The following PDE7A variants were observed in gnomAD, a reference collection of about 807,000 sequenced individuals.
PDE7A encodes the protein phosphodiesterase 7A, also known as high affinity 3',5'-cyclic-AMP phosphodiesterase 7A.
PDE7A carries 39 observed loss-of-function variants against 64.3 expected under a neutral mutation model. The observed-to-expected ratio is 0.61, with a 90% CI of 0.47 to 0.79. The LOEUF is 0.79. PDE7A is among the 30% of genes least tolerant of loss of function. The pLI, the probability that PDE7A is intolerant of heterozygous loss-of-function variation, is 0.00. For missense variants in PDE7A, 470 were observed against 582.8 expected (o/e 0.81, Z 1.99); for synonymous variants, 203 against 206.8 (o/e 0.98, Z 0.16).
intron 3 of PDE7A, among the ~76,000 whole-genome samples, chr8:65,775,103 AT>A (rs1200174386): frequency 6.6e-6 from 1 of 152,140 alleles, no homozygotes; most frequent in Admixed American, 6.5e-5. Flanking sequence ...AAAATAGTCC[AT>A]TTCGATTCTT....
intron 1 of PDE7A, among the ~76,000 whole-genome samples, chr8:65,794,589 A>G (rs188846564): frequency 6.6e-5 from 10 of 152,342 alleles, no homozygotes; most frequent in African/African-American, 9.6e-5. Flanking sequence ...AACTGTCCAT[A>G]ATTGCCTGTC....
chr8:65,811,336 G>T (rs975472397), intron 1 of PDE7A, among the ~76,000 whole-genome samples: 1 of 152,154 alleles, frequency 6.6e-6, no homozygotes, highest in African/African-American at 2.4e-5. Context: ...TCTCACTGTG[G>T]GAGAGAAGAC....
At chr8:65,719,541 C>G in intron 12 of PDE7A, 46 bp from the exon 13 acceptor site, 1 of 1,250,846 alleles carries the variant, frequency 8.0e-7, no homozygotes, top group African/African-American at 1.5e-5. Context: ...TGCTGAAACT[C>G]TATCTTTAAA....
chr8:65,801,536 G>C (rs565625702), intron 1 of PDE7A, among the ~76,000 whole-genome samples: 2 of 151,750 alleles, frequency 1.3e-5, no homozygotes, highest in Admixed American at 6.6e-5. Context: ...CCAAAGTATA[G>C]AGCACCCCCC....
chr8:65,786,487 CTA>C (rs1337650905), intron 1 of PDE7A, among the ~76,000 whole-genome samples: 1 of 152,074 alleles, frequency 6.6e-6, no homozygotes, highest in Non-Finnish European at 1.5e-5. Context: ...GGAAAAAACA[CTA>C]TAAATTATGA....
At chr8:65,720,960 C>T (rs2129063817) in intron 12 of PDE7A, among the ~76,000 whole-genome samples, 1 of 152,272 alleles carries the variant, frequency 6.6e-6, no homozygotes, top group Middle Eastern at 3.4e-3. Context: ...TTATTTCATC[C>T]CTCTCACTGT....
chr8:65,744,379 C>T (rs1223082279), intron 5 of PDE7A, among the ~76,000 whole-genome samples: 1 of 152,110 alleles, frequency 6.6e-6, no homozygotes, highest in Non-Finnish European at 1.5e-5. Flanking sequence ...TTTAGTGGTC[C>T]TCAATTGTAC....
At chr8:65,735,798 G>A (rs562654241) in intron 6 of PDE7A, among the ~76,000 whole-genome samples, 2 of 151,808 alleles carry the variant, frequency 1.3e-5, no homozygotes, top group Non-Finnish European at 2.9e-5. Flanking sequence ...GCTAATTTTT[G>A]TATTTTTGTC....
At position 65,719,030 on chromosome 8, in the gene PDE7A, C is replaced by CT. The variant is rs1806263471; in HGVS notation, c.*259dup. On this transcript the variant is annotated 3_prime_UTR_variant, in exon 13 of 13. Coordinates refer to ENST00000401827, the MANE Select transcript of PDE7A (RefSeq NM_001242318.3). ...CATATCAAAACTTCCTTTGTTACTC[C>CT]TTTCGGATTCTCTCCTGCTGGGCTT... 1 of 506,822 alleles carries CT rather than the reference C, an allele frequency of 2.0e-6. No homozygotes were observed. The highest frequency in any genetic ancestry group is 2.6e-5 in the South Asian group (1 of 38,670). 31.4% of individuals were successfully genotyped at this position (506,822 alleles called of 1,614,324 possible).
At chr8:65,724,217 A>G (rs745760666) in intron 11 of PDE7A, 38 bp downstream of exon 11, 1 of 1,295,790 alleles carries the variant, frequency 7.7e-7, no homozygotes, top group Non-Finnish European at 1.1e-6. Flanking sequence ...AAAAAAATGA[A>G]CTGGATAGAT....
intron 1 of PDE7A, among the ~76,000 whole-genome samples, chr8:65,811,333 G>A (rs1810256571): frequency 6.6e-6 from 1 of 152,208 alleles, no homozygotes; most frequent in Admixed American, 6.5e-5. Context: ...GACTCTCACT[G>A]TGGGAGAGAA....
chr8:65,821,700 T>C (rs1213996855), intron 1 of PDE7A, among the ~76,000 whole-genome samples: 2 of 152,246 alleles, frequency 1.3e-5, no homozygotes, highest in Admixed American at 6.5e-5. Context: ...GAAATGGTGA[T>C]AGTCAGAATC....
At chr8:65,774,860 A>T (rs1423765305) in intron 3 of PDE7A, among the ~76,000 whole-genome samples, 2 of 152,210 alleles carry the variant, frequency 1.3e-5, no homozygotes, top group African/African-American at 4.8e-5. Flanking sequence ...ATTTACTGAG[A>T]CATCACACAT....
At chr8:65,747,626 T>C (rs1267083529) in intron 4 of PDE7A, 26 bp downstream of exon 4, 3 of 1,483,904 alleles carry the variant, frequency 2.0e-6, no homozygotes, top group Non-Finnish European at 9.3e-7. Flanking sequence ...AAAAAATTAA[T>C]GTTTTCTTAA....
chr8:65,731,814 C>T (rs1028873462), intron 7 of PDE7A, among the ~76,000 whole-genome samples: 3 of 152,050 alleles, frequency 2.0e-5, no homozygotes, highest in African/African-American at 7.2e-5. Context: ...ACAAATTTCT[C>T]ACAAAATATA....
chr8:65,762,328 G>GA (rs1228153939), intron 3 of PDE7A, among the ~76,000 whole-genome samples: 2 of 151,996 alleles, frequency 1.3e-5, no homozygotes, highest in Non-Finnish European at 2.9e-5. Flanking sequence ...CATTTTCTTA[G>GA]AAAAAAATTT....
chr8:65,827,313 A>C (rs1326726064), intron 1 of PDE7A, among the ~76,000 whole-genome samples: 2 of 152,216 alleles, frequency 1.3e-5, no homozygotes, highest in East Asian at 1.9e-4. Flanking sequence ...TGTTATGAGA[A>C]GTTTACAGGC....
chr8:65,785,136 T>C (rs1809514880), intron 1 of PDE7A, among the ~76,000 whole-genome samples: 1 of 152,150 alleles, frequency 6.6e-6, no homozygotes, highest in Non-Finnish European at 1.5e-5. Context: ...TCTTACATGA[T>C]TTCACAAGTT....
At chr8:65,730,655 T>C (rs921560799) in intron 7 of PDE7A, among the ~76,000 whole-genome samples, 10 of 152,196 alleles carry the variant, frequency 6.6e-5, no homozygotes, top group African/African-American at 2.4e-4. Flanking sequence ...AGGCTGGGCA[T>C]GGTGGCTCAT....
Sources: allele counts gnomAD v4.1 joint callset (sites outside exome capture counted in the v4.1 genomes callset), GRCh38; gene constraint gnomAD v4.1.1; transcripts MANE v1.5; gene names NCBI Gene and HGNC (gene_info 2026-07-23, HGNC 2026-07-21).